Variants in ANXA11 observed in about 807,000 individuals in gnomAD.
ANXA11 encodes the protein annexin A11, also known as 56 kDa autoantigen.
Under a neutral mutation model 64.7 loss-of-function variants are expected in ANXA11, and 57 were observed. The observed-to-expected ratio is 0.88, with a 90% CI of 0.71 to 1.10. The LOEUF (loss-of-function observed/expected upper bound fraction) is 1.10. Ranked by LOEUF, ANXA11 falls within the 50% of genes least tolerant of loss-of-function variation. ANXA11 has a pLI of 0.00. For missense variants in ANXA11, 675 were observed against 670.7 expected, an observed-to-expected ratio of 1.01 and a Z score of -0.07; for synonymous variants, 260 against 265.2, an observed-to-expected ratio of 0.98 and a Z score of 0.19.
intron 1 of ANXA11, among the ~76,000 whole-genome samples, chr10:80,190,642 C>T (rs1394856458): frequency 6.6e-6 from 1 of 151,298 alleles, no homozygotes; most frequent in East Asian, 2.0e-4. Context: ...CCCGCCACCG[C>T]GCCCAGCTAG....
At chr10:80,201,524 T>G (rs1840420903) in intron 1 of ANXA11, among the ~76,000 whole-genome samples, 1 of 152,120 alleles carries the variant, frequency 6.6e-6, no homozygotes. Flanking sequence ...ATACATGATC[T>G]TCTTCATCCT....
At position 80,166,959 on chromosome 10, in the gene ANXA11, G is replaced by C; in HGVS notation, c.675C>G (p.Asp225Glu). 6.2e-7 allele frequency: 1 copy of C among 1,606,594 alleles called. No individual in the cohort carries two copies. The highest frequency in any genetic ancestry group is 1.7e-4 in the Middle Eastern group (1 of 6,038). Reference protein sequence around the residue: ...GFGTDEQAIIDCLGSRSNKQR... With the variant: ...GFGTDEQAIIECLGSRSNKQR... ...GCTTGTTGGAGCGACTCCCCAGGCA[G>C]TCAATGATGGCCTGCTCATCCGTCC... The change falls in exon 7 of 16, where the codon GAC becomes GAG. Residue 225 changes from aspartate to glutamate, a missense_variant. Transcript: ENST00000422982.
intron 2 of ANXA11, among the ~76,000 whole-genome samples, chr10:80,174,639 T>C (rs2132432775): frequency 6.6e-6 from 1 of 152,218 alleles, no homozygotes; most frequent in Admixed American, 6.5e-5. Flanking sequence ...TGGTGCGAGC[T>C]CAGCTCACTG....
intron 15 of ANXA11, chr10:80,156,624 C>T: frequency 5.7e-6 from 2 of 350,030 alleles, no homozygotes; most frequent in Non-Finnish European, 1.1e-5. Flanking sequence ...AGCAATTCTC[C>T]TGCCGCAGCC....
chr10:80,158,908 C>A (rs941837873), intron 13 of ANXA11, among the ~76,000 whole-genome samples, 192 bp downstream of exon 13: 1 of 152,200 alleles, frequency 6.6e-6, no homozygotes, highest in African/African-American at 2.4e-5. Flanking sequence ...TCCAGGACAG[C>A]TAGGGGTTCA....
intron 8 of ANXA11, among the ~76,000 whole-genome samples, chr10:80,165,481 T>C (rs1314333249): frequency 6.6e-6 from 1 of 152,158 alleles, no homozygotes; most frequent in Non-Finnish European, 1.5e-5. Flanking sequence ...TTGGAGACCC[T>C]GCTGGTCTCT....
At chr10:80,180,523 C>T (rs1846316384) in intron 1 of ANXA11, among the ~76,000 whole-genome samples, 1 of 152,152 alleles carries the variant, frequency 6.6e-6, no homozygotes, top group Non-Finnish European at 1.5e-5. Flanking sequence ...GCAGTGACAC[C>T]CCCTGCCCCT....
intron 1 of ANXA11, among the ~76,000 whole-genome samples, chr10:80,183,198 G>T (rs1846418768): frequency 6.6e-6 from 1 of 152,216 alleles, no homozygotes; most frequent in Non-Finnish European, 1.5e-5. Flanking sequence ...GCAAGGTGCA[G>T]ACAAGGGCCT....
rs1589413547 is a variant in ANXA11 at position 80,158,113 on chromosome 10, C to G, written c.1277-88G>C. 2.4e-6 allele frequency: 3 copies of G among 1,230,670 alleles called. No individual in the cohort carries two copies. In the East Asian group the frequency reaches 7.0e-5, roughly 29 times the overall value. The allele number at this position is 1,230,670 out of a possible 1,614,324, so 76.2% of individuals were successfully genotyped here. On this transcript the variant is annotated intron_variant, in intron 13 of 15. Coordinates refer to ENST00000422982, the MANE Select transcript of ANXA11 (RefSeq NM_145868.2). Reference sequence around the variant, plus strand: ...GAGTCTACAAGTGTCCTCTTAGAGGCCCAGATGTCAAACCCATCACTGCAT... The same window carrying G: ...GAGTCTACAAGTGTCCTCTTAGAGGGCCAGATGTCAAACCCATCACTGCAT...
chr10:80,158,780 G>C (rs1845385873), intron 13 of ANXA11, among the ~76,000 whole-genome samples: 1 of 152,202 alleles, frequency 6.6e-6, no homozygotes, highest in Admixed American at 6.5e-5. Flanking sequence ...TATTTTTAGA[G>C]GAAACGTGGC....
intron 1 of ANXA11, among the ~76,000 whole-genome samples, chr10:80,201,134 T>A (rs1840401247): frequency 6.6e-6 from 1 of 152,004 alleles, no homozygotes. Context: ...CCTCACCCAT[T>A]CACTCCAACC....
intron 7 of ANXA11, 140 bp from the exon 8 acceptor site, chr10:80,166,337 G>A: frequency 1.7e-6 from 1 of 598,040 alleles, no homozygotes; most frequent in Non-Finnish European, 3.0e-6. Context: ...TGAGAGAAAA[G>A]CCTGCTCTCA....
rs1307505722 is a variant in ANXA11 at position 80,151,813 on chromosome 10, A to G, written c.*4040T>C. 6.6e-6 allele frequency: 1 copy of G among 152,186 alleles called. No homozygotes were observed. The highest frequency in any genetic ancestry group is 1.9e-4 in the East Asian group (1 of 5,194). 9.4% of individuals were successfully genotyped at this position (152,186 alleles called of 1,614,324 possible). On this transcript the variant is annotated 3_prime_UTR_variant, in exon 16 of 16. Transcript: ENST00000422982. ...TCTGTGTGAGCACAGTAGTATTTAG[A>G]TAAGCGTTAGATTACAGCAGGTTAC...
intron 1 of ANXA11, among the ~76,000 whole-genome samples, chr10:80,196,739 T>C (rs1840187292): frequency 6.6e-6 from 1 of 152,134 alleles, no homozygotes; most frequent in Non-Finnish European, 1.5e-5. Context: ...TCCCAGGCAC[T>C]AAACAAAAAG....
intron 2 of ANXA11, among the ~76,000 whole-genome samples, chr10:80,175,836 C>T (rs1846149271): frequency 6.6e-6 from 1 of 152,138 alleles, no homozygotes; most frequent in South Asian, 2.1e-4. Flanking sequence ...GTGGGCAGAT[C>T]ACCTGAGGTC....
At chr10:80,179,130 C>T (rs769666345) in intron 1 of ANXA11, among the ~76,000 whole-genome samples, 1 of 152,128 alleles carries the variant, frequency 6.6e-6, no homozygotes, top group Non-Finnish European at 1.5e-5. Flanking sequence ...GCAGATTTCC[C>T]CCTTTGGTGC....
At chr10:80,162,808 C>G (rs1056486190) in intron 11 of ANXA11, among the ~76,000 whole-genome samples, 4 of 152,212 alleles carry the variant, frequency 2.6e-5, no homozygotes, top group Non-Finnish European at 5.9e-5. Context: ...TGGCTCTGCC[C>G]TGCCATAATA....
intron 1 of ANXA11, among the ~76,000 whole-genome samples, chr10:80,180,367 G>A (rs1037996378): frequency 1.3e-5 from 2 of 152,200 alleles, no homozygotes; most frequent in African/African-American, 4.8e-5. Flanking sequence ...GGAAAGGAGG[G>A]GTGGATGGTG....
chr10:80,197,705 G>A (rs1840228784), intron 1 of ANXA11, among the ~76,000 whole-genome samples: 2 of 152,130 alleles, frequency 1.3e-5, no homozygotes, highest in African/African-American at 4.8e-5. Flanking sequence ...GGAGGATCAC[G>A]AGGTCAGGAG....
Sources: allele counts gnomAD v4.1 joint callset (sites outside exome capture counted in the v4.1 genomes callset), GRCh38; gene constraint gnomAD v4.1.1; transcripts MANE v1.5; gene names NCBI Gene and HGNC (gene_info 2026-07-23, HGNC 2026-07-21).